The following GPC3 variants were observed in gnomAD, a reference collection of about 807,000 sequenced individuals.
GPC3 encodes glypican-3.
Under a neutral mutation model 34.4 loss-of-function variants are expected in GPC3, and 3 were observed. The ratio of observed to expected loss-of-function variants is 0.09; its 90% CI spans 0.04 to 0.23. GPC3 has a LOEUF of 0.23. GPC3 is among the 10% of genes least tolerant of loss of function. The probability of loss-of-function intolerance (pLI) is 1.00; values close to 1 mark genes in which losing one functional copy is unlikely to be tolerated. For synonymous variants in GPC3, 177 were observed against 174.0 expected (o/e 1.02, Z -0.13); for missense variants, 351 against 445.6 (o/e 0.79, Z 1.91).
chrX:133,969,573 G>A (rs143702724), intron 1 of GPC3, among the ~76,000 whole-genome samples: 1,151 of 111,261 alleles, frequency 0.01, 4 homozygotes, highest in South Asian at 0.017. Context: ...TTTATTCTAC[G>A]TGAATCTGAG....
intron 3 of GPC3, among the ~76,000 whole-genome samples, chrX:133,742,435 T>C (rs1165932953): frequency 1.8e-5 from 2 of 111,742 alleles, no homozygotes; most frequent in East Asian, 5.6e-4. Flanking sequence ...GTAATGTGTA[T>C]ATGTTGCTGA....
intron 6 of GPC3, among the ~76,000 whole-genome samples, chrX:133,660,033 G>A (rs1304918376): frequency 1.8e-5 from 2 of 111,743 alleles, no homozygotes; most frequent in African/African-American, 6.5e-5. Flanking sequence ...GGCTCAGTTA[G>A]GTAGACACTG....
chrX:133,656,969 G>A (rs1259171452), intron 6 of GPC3, among the ~76,000 whole-genome samples: 1 of 111,647 alleles, frequency 9.0e-6, no homozygotes, highest in African/African-American at 3.3e-5. Context: ...GGAATCACAC[G>A]GCTGGAAGGA....
chrX:133,810,692 T>C (rs2075659797), intron 2 of GPC3, among the ~76,000 whole-genome samples: 1 of 107,738 alleles, frequency 9.3e-6, no homozygotes, highest in Admixed American at 1.0e-4. Flanking sequence ...GATCACGAGG[T>C]CAGGAGATTG....
intron 5 of GPC3, among the ~76,000 whole-genome samples, chrX:133,666,617 C>T (rs1272573181): frequency 8.9e-6 from 1 of 112,300 alleles, no homozygotes; most frequent in Non-Finnish European, 1.9e-5. Context: ...TTCTGTTTCT[C>T]ATGTCTCTAT....
intron 1 of GPC3, among the ~76,000 whole-genome samples, chrX:133,954,370 A>T (rs1288916385): frequency 4.5e-5 from 5 of 112,257 alleles, no homozygotes; most frequent in Middle Eastern, 4.6e-3. Context: ...TTATTTATTT[A>T]TTTTTATTTT....
intron 2 of GPC3, among the ~76,000 whole-genome samples, chrX:133,760,517 C>T (rs2071776844): frequency 9.0e-6 from 1 of 111,574 alleles, no homozygotes; most frequent in Admixed American, 9.6e-5. Flanking sequence ...GTGAAAGAAG[C>T]TAGTCTGAAA....
rs780158706 is a variant in GPC3, at chrX:133,887,122, T to A, written c.337+65928A>T. On this transcript the variant is annotated intron_variant, in intron 2 of 7. Coordinates refer to ENST00000370818, the MANE Select transcript of GPC3 (RefSeq NM_004484.4). Reference sequence around the variant, plus strand: ...CCCAGGCTCAGATGATCCTCCCACCTCAGCCTCCCGAGCAGATGGGACTAC... The same window carrying A: ...CCCAGGCTCAGATGATCCTCCCACCACAGCCTCCCGAGCAGATGGGACTAC... Among the ~76,000 whole-genome samples the A allele has an allele frequency of 6.2e-5, 7 of 112,104 alleles. No individual in the cohort carries two copies. In the South Asian group the frequency reaches 1.1e-3, roughly 18 times the overall value.
intron 7 of GPC3, among the ~76,000 whole-genome samples, chrX:133,562,800 T>C (rs2069550547): frequency 1.8e-5 from 2 of 111,083 alleles, no homozygotes; most frequent in Non-Finnish European, 3.8e-5. Flanking sequence ...ATCACCACCA[T>C]AGAACCATTA....
chrX:133,563,068 A>C (rs2069553128), intron 7 of GPC3, among the ~76,000 whole-genome samples: 2 of 111,529 alleles, frequency 1.8e-5, no homozygotes, highest in Admixed American at 9.5e-5. Flanking sequence ...GTTGTCCCTG[A>C]AGAGGGGTAG....
chrX:133,633,778 G>C (rs943612785), intron 6 of GPC3, among the ~76,000 whole-genome samples: 9 of 112,094 alleles, frequency 8.0e-5, no homozygotes, highest in Admixed American at 5.7e-4. Flanking sequence ...CTCTGCTCTA[G>C]AGGAGAGAAA....
intron 2 of GPC3, among the ~76,000 whole-genome samples, chrX:133,867,607 T>C (rs2075974140): frequency 9.2e-6 from 1 of 109,007 alleles, no homozygotes; most frequent in African/African-American, 3.4e-5. Flanking sequence ...AGGGAAATAC[T>C]GGGTCGGAGA....
In GPC3 at chrX:133,553,683, T is replaced by C. The variant is rs758707524; in HGVS notation, c.1574-17390A>G. Among the ~76,000 whole-genome samples the C allele has an allele frequency of 1.6e-3, 180 of 111,782 alleles. 1 individual carries two copies. Among genetic ancestry groups the C allele is most frequent in the Non-Finnish European group, 2.7e-3 (141 of 53,152 alleles). ...ATTTAGGAAGAGATCAGACTAGAAG[T>C]GCCCCTTGGAATAATATTTTGCCCT... On this transcript the variant is annotated intron_variant, in intron 7 of 7. Coordinates refer to ENST00000370818, the MANE Select transcript of GPC3 (RefSeq NM_004484.4).
At chrX:133,561,331 T>G (rs1007931862) in intron 7 of GPC3, among the ~76,000 whole-genome samples, 10 of 112,425 alleles carry the variant, frequency 8.9e-5, no homozygotes, top group African/African-American at 3.2e-4. Context: ...CATCCTACAA[T>G]CTCTCTTCAT....
At chrX:133,863,300 A>G (rs1391751664) in intron 2 of GPC3, among the ~76,000 whole-genome samples, 1 of 112,411 alleles carries the variant, frequency 8.9e-6, no homozygotes, top group Non-Finnish European at 1.9e-5. Context: ...GCATAGTAAC[A>G]GAAACATTTT....
intron 1 of GPC3, among the ~76,000 whole-genome samples, chrX:133,960,996 G>T (rs2076438939): frequency 8.9e-6 from 1 of 111,829 alleles, no homozygotes; most frequent in Non-Finnish European, 1.9e-5. Context: ...CTTGCTATTG[G>T]AATGACGCCT....
At chrX:133,646,128 A>T (rs995975514) in intron 6 of GPC3, among the ~76,000 whole-genome samples, 1 of 109,697 alleles carries the variant, frequency 9.1e-6, no homozygotes, top group African/African-American at 3.3e-5. Flanking sequence ...AGCCAAGGGC[A>T]GTGACTATCT....
intron 7 of GPC3, among the ~76,000 whole-genome samples, chrX:133,580,994 T>A (rs1415054756): frequency 8.9e-6 from 1 of 112,339 alleles, no homozygotes; most frequent in Admixed American, 9.4e-5. Flanking sequence ...TATTAGGAGT[T>A]CCACTCGAAC....
At chrX:133,927,316 C>A (rs752213793) in intron 2 of GPC3, among the ~76,000 whole-genome samples, 1 of 108,706 alleles carries the variant, frequency 9.2e-6, no homozygotes, top group Non-Finnish European at 1.9e-5. Flanking sequence ...ATGGTATGAC[C>A]CCATTTATGT....
Sources: allele counts gnomAD v4.1 joint callset (sites outside exome capture counted in the v4.1 genomes callset), GRCh38; gene constraint gnomAD v4.1.1; transcripts MANE v1.5; gene names NCBI Gene and HGNC (gene_info 2026-07-23, HGNC 2026-07-21).